Variants in PLEKHG7 observed in about 807,000 individuals in gnomAD.
The protein encoded by PLEKHG7 is pleckstrin homology and RhoGEF domain containing G7.
A neutral mutation model predicts 85.2 loss-of-function variants in PLEKHG7; 77 were observed. That is an observed-to-expected ratio of 0.90 (90% CI 0.75 to 1.09). The LOEUF (loss-of-function observed/expected upper bound fraction) is 1.09, where lower values mean the gene tolerates loss of function less well. Ranked by LOEUF, PLEKHG7 falls within the 50% of genes least tolerant of loss-of-function variation. The pLI is 0.00. For missense variants in PLEKHG7, 777 were observed against 804.3 expected (o/e 0.97, Z 0.41); for synonymous variants, 301 against 302.4 (o/e 1.00, Z 0.05).
chr12:92,738,589 A>G (rs1360458002), intron 7 of PLEKHG7, among the ~76,000 whole-genome samples: 1 of 152,252 alleles, frequency 6.6e-6, no homozygotes, highest in East Asian at 1.9e-4. Context: ...TTGCAGTACA[A>G]AAGCAGCCTA....
Position 92,705,008 on chromosome 12 carries a change from T to G in PLEKHG7, c.-161-1463T>G, listed in dbSNP as rs146126064. On this transcript the variant is annotated intron_variant, in intron 1 of 16. Transcript: ENST00000344636. ...TGAGCTCCTCCTCTACTGATAGGAA[T>G]AGATCTAACAACCTATTAATTATCT... 4.3e-3 allele frequency among the ~76,000 whole-genome samples: 662 copies of G among 152,322 alleles called. 5 individuals are homozygous for G. Among genetic ancestry groups the G allele is most frequent in the African/African-American group, 0.014 (585 of 41,560 alleles).
intron 3 of PLEKHG7, among the ~76,000 whole-genome samples, chr12:92,721,122 A>G (rs1871628108): frequency 6.6e-6 from 1 of 152,250 alleles, no homozygotes; most frequent in Non-Finnish European, 1.5e-5. Context: ...AAAGCACGTA[A>G]CAAAGTGTCT....
intron 3 of PLEKHG7, among the ~76,000 whole-genome samples, chr12:92,722,261 G>A (rs1285637743): frequency 6.6e-6 from 1 of 151,910 alleles, no homozygotes; most frequent in Non-Finnish European, 1.5e-5. Context: ...CAGAAATCCA[G>A]TCCACTGCCA....
In PLEKHG7 at chr12:92,745,438, A is replaced by C. The variant is rs1281085500; in HGVS notation, c.1138-40A>C. On this transcript the variant is annotated intron_variant, in intron 9 of 16. Coordinates refer to ENST00000344636, the MANE Select transcript of PLEKHG7 (RefSeq NM_001377329.1). ...TCTTTCAGGGCTCAATGCTCTCCTT[A>C]ACTTGTGTTCATCCTCCTTCTGCTC... 3.7e-6 allele frequency: 5 copies of C among 1,361,494 alleles called. No individual in the cohort carries two copies. The East Asian group carries it at 1.1e-4, about 31-fold the overall frequency. 84.3% of individuals were successfully genotyped at this position (1,361,494 alleles called of 1,614,324 possible).
chr12:92,722,229 C>T (rs552889949), intron 3 of PLEKHG7, among the ~76,000 whole-genome samples: 1 of 152,154 alleles, frequency 6.6e-6, no homozygotes, highest in Admixed American at 6.5e-5. Context: ...CTGACACAGA[C>T]CCGGGTCTTT....
At chr12:92,703,978 T>A (rs2136564115) in intron 1 of PLEKHG7, among the ~76,000 whole-genome samples, 1 of 152,376 alleles carries the variant, frequency 6.6e-6, no homozygotes, top group Non-Finnish European at 1.5e-5. Flanking sequence ...CTAACTATTA[T>A]GCAAGTGCCT....
At chr12:92,770,002 G>A in intron 16 of PLEKHG7, 86 bp from the exon 17 acceptor site, 1 of 835,292 alleles carries the variant, frequency 1.2e-6, no homozygotes, top group Non-Finnish European at 1.9e-6. Flanking sequence ...AATAAATATA[G>A]CAGAAAATAT....
chr12:92,764,558 G>A (rs1459180103), intron 15 of PLEKHG7, among the ~76,000 whole-genome samples: 1 of 151,882 alleles, frequency 6.6e-6, no homozygotes, highest in East Asian at 1.9e-4. Flanking sequence ...TAATACTATT[G>A]CTGTTATTAA....
rs1216761835 is a variant in PLEKHG7 at position 92,770,994 on chromosome 12, T to TG, written c.*799_*800insG. ...CCATAAAAATACTTTCTGGTTTTGATTGGTGTGTGTGTGTGTGTGTGTGTG... is the reference window on the plus strand; with the variant it reads ...CCATAAAAATACTTTCTGGTTTTGATGTGGTGTGTGTGTGTGTGTGTGTGTG... On this transcript the variant is annotated 3_prime_UTR_variant, in exon 17 of 17. Coordinates refer to ENST00000344636, the MANE Select transcript of PLEKHG7 (RefSeq NM_001377329.1). 5.7e-5 allele frequency: 5 copies of TG among 87,020 alleles called. No individual in the cohort carries two copies. Among genetic ancestry groups the TG allele is most frequent in the African/African-American group, 7.7e-5 (2 of 25,876 alleles). The allele number at this position is 87,020 out of a possible 1,614,324, so 5.4% of individuals were successfully genotyped here. A position where few individuals can be genotyped will look rare whatever the true frequency, so the allele number is the denominator to read the frequency against.
intron 13 of PLEKHG7, among the ~76,000 whole-genome samples, chr12:92,758,474 G>A (rs921639574): frequency 1.3e-5 from 2 of 152,206 alleles, no homozygotes; most frequent in Non-Finnish European, 2.9e-5. Context: ...TGGGCATAAT[G>A]AGAACCCACA....
chr12:92,707,778 T>G, intron 3 of PLEKHG7, 106 bp downstream of exon 3: 2 of 1,578,082 alleles, frequency 1.3e-6, no homozygotes, highest in Non-Finnish European at 1.7e-6. Flanking sequence ...TGTTAACCAG[T>G]GCACTTTGTT....
chr12:92,738,519 A>C (rs1180248469), intron 7 of PLEKHG7, among the ~76,000 whole-genome samples: 1 of 152,244 alleles, frequency 6.6e-6, no homozygotes, highest in East Asian at 1.9e-4. Flanking sequence ...AGGTGCAGAC[A>C]GTAAATATTT....
intron 13 of PLEKHG7, among the ~76,000 whole-genome samples, chr12:92,758,288 A>G (rs890329629): frequency 7.2e-5 from 11 of 152,260 alleles, no homozygotes; most frequent in African/African-American, 2.7e-4. Context: ...GGCATGATAG[A>G]AAAGGATATG....
At chr12:92,763,883 G>T (rs1013579346) in intron 14 of PLEKHG7, among the ~76,000 whole-genome samples, 158 bp from the exon 15 acceptor site, 3 of 152,050 alleles carry the variant, frequency 2.0e-5, no homozygotes, top group Non-Finnish European at 2.9e-5. Flanking sequence ...ATGCTTTGGG[G>T]AAATGCTTTT....
intron 10 of PLEKHG7, among the ~76,000 whole-genome samples, chr12:92,746,630 T>A (rs1444294019): frequency 6.6e-6 from 1 of 152,220 alleles, no homozygotes; most frequent in Non-Finnish European, 1.5e-5. Context: ...ACTGGGAGAA[T>A]CCAGGTTCCT....
chr12:92,734,309 C>CT (rs1872076460), intron 5 of PLEKHG7, among the ~76,000 whole-genome samples: 1 of 151,492 alleles, frequency 6.6e-6, no homozygotes, highest in Non-Finnish European at 1.5e-5. Context: ...TCTTCCCTTC[C>CT]TCCTTCCTTT....
chr12:92,751,562 C>T lies in PLEKHG7; in HGVS notation c.1252-2528C>T, dbSNP rs575834901. 4.7e-5 allele frequency among the ~76,000 whole-genome samples: 7 copies of T among 149,638 alleles called. No individual in the cohort carries two copies. The East Asian group carries it at 5.9e-4, about 13-fold the overall frequency. On this transcript the variant is annotated intron_variant, in intron 10 of 16. Coordinates refer to ENST00000344636, the MANE Select transcript of PLEKHG7 (RefSeq NM_001377329.1). ...TTTTTTTTTGTATTTTTGGTAGAAA[C>T]GGAGTTTCACCATGTTGGCCAGGCT...
chr12:92,766,047 G>A (rs953444634), intron 15 of PLEKHG7, among the ~76,000 whole-genome samples: 3 of 152,160 alleles, frequency 2.0e-5, no homozygotes, highest in African/African-American at 7.2e-5. Flanking sequence ...AGCAGTTCAG[G>A]AGCAAGCCAC....
chr12:92,761,097 A>T (rs1053346770), intron 13 of PLEKHG7, among the ~76,000 whole-genome samples: 1 of 152,226 alleles, frequency 6.6e-6, no homozygotes, highest in Non-Finnish European at 1.5e-5. Flanking sequence ...CAGCCTTATC[A>T]CTTCATTTTA....
Sources: allele counts gnomAD v4.1 joint callset (sites outside exome capture counted in the v4.1 genomes callset), GRCh38; gene constraint gnomAD v4.1.1; transcripts MANE v1.5; gene names NCBI Gene and HGNC (gene_info 2026-07-23, HGNC 2026-07-21).